CACNA1C: variants seen among roughly 807,000 people sequenced by gnomAD.
The protein encoded by CACNA1C is calcium voltage-gated channel subunit alpha1 C, also known as voltage-dependent L-type calcium channel subunit alpha-1C.
Under a neutral mutation model 229.0 loss-of-function variants are expected in CACNA1C, and 30 were observed. The ratio of observed to expected loss-of-function variants is 0.13; its 90% CI spans 0.10 to 0.18. The LOEUF is 0.18. Ranked by LOEUF, CACNA1C falls within the 10% of genes least tolerant of loss-of-function variation. The probability of loss-of-function intolerance (pLI) is 1.00; values close to 1 mark genes in which losing one functional copy is unlikely to be tolerated. For missense variants in CACNA1C, 1,658 were observed against 2,845.0 expected (o/e 0.58, Z 9.49); for synonymous variants, 1,114 against 1,132.5 (o/e 0.98, Z 0.33).
chr12:2,602,092 C>T lies in CACNA1C; in HGVS notation c.2960+132C>T, dbSNP rs2072682340. ...TGAGAGTGGGGTGGGGCCTCCAAAG[C>T]TGTGCATGGTGGCTTTGGGTTCTTG... is the stretch of plus-strand genomic sequence containing the variant. On this transcript the variant is annotated intron_variant, in intron 22 of 46. Coordinates refer to ENST00000399655, the MANE Select transcript of CACNA1C (RefSeq NM_000719.7). The surrounding 1 kb of genome is among the most constrained non-coding windows in gnomAD (Gnocchi z 4.4). 2 of 660,180 alleles carry T rather than the reference C, an allele frequency of 3.0e-6. No homozygotes were observed. The highest frequency in any genetic ancestry group is 2.3e-5 in the Admixed American group (1 of 44,070). The allele number at this position is 660,180 out of a possible 1,614,324, so 40.9% of individuals were successfully genotyped here. A position where few individuals can be genotyped will look rare whatever the true frequency, so the allele number is the denominator to read the frequency against.
chr12:2,266,879 C>A (rs2082585565), intron 3 of CACNA1C, among the ~76,000 whole-genome samples: 1 of 152,192 alleles, frequency 6.6e-6, no homozygotes, highest in African/African-American at 2.4e-5. Context: ...GTACTTACCT[C>A]TTCTGAGCTT....
At chr12:2,303,383 G>A (rs541603574) in intron 3 of CACNA1C, among the ~76,000 whole-genome samples, 8 of 152,128 alleles carry the variant, frequency 5.3e-5, no homozygotes, top group Non-Finnish European at 8.8e-5. Context: ...CTGTGCGTCC[G>A]TGTTCACACT....
At chr12:1,975,272 C>T (rs1182689477) in intron 1 of CACNA1C, among the ~76,000 whole-genome samples, 1 of 152,114 alleles carries the variant, frequency 6.6e-6, no homozygotes, top group Non-Finnish European at 1.5e-5. Context: ...TAAGGCTATA[C>T]ATAAGGTAAT....
intron 3 of CACNA1C, among the ~76,000 whole-genome samples, chr12:2,145,379 TG>T: frequency 6.6e-6 from 1 of 151,422 alleles, no homozygotes; most frequent in South Asian, 2.1e-4. Context: ...TTGTTTATTC[TG>T]CTGGGTCTTT....
chr12:2,166,397 A>G (rs2096233800), intron 3 of CACNA1C, among the ~76,000 whole-genome samples: 1 of 152,336 alleles, frequency 6.6e-6, no homozygotes, highest in South Asian at 2.1e-4. Flanking sequence ...TCAATTCTTC[A>G]TATAGCCTTG....
chr12:2,386,061 C>T (rs932675869), intron 3 of CACNA1C, among the ~76,000 whole-genome samples: 4 of 152,212 alleles, frequency 2.6e-5, no homozygotes, highest in Non-Finnish European at 5.9e-5. Context: ...TACTACCTTT[C>T]GAGGTAATTT....
intron 38 of CACNA1C, among the ~76,000 whole-genome samples, chr12:2,673,884 C>T (rs2153750363): frequency 6.6e-6 from 1 of 152,294 alleles, no homozygotes; most frequent in Admixed American, 6.5e-5. Flanking sequence ...TGGTCAGGGG[C>T]CCAGGGCTTT....
intron 1 of CACNA1C, among the ~76,000 whole-genome samples, chr12:2,091,219 T>C (rs1286307111): frequency 6.6e-6 from 1 of 152,200 alleles, no homozygotes; most frequent in Non-Finnish European, 1.5e-5. Context: ...CTTGTCCCCA[T>C]TGGCCATATA....
At position 2,115,415 on chromosome 12, in the gene CACNA1C, C is replaced by T. The variant is rs745759667; in HGVS notation, c.241C>T (p.Arg81Trp). ...CATCTCCACAGTCAGCTCCACGCAG[C>T]GGAAGCGGCAGCAATATGGGAAACC... ...ATISTVSSTQ[R>W]KRQQYGKPKK... The change falls in exon 2 of 47, where the codon CGG becomes TGG. Residue 81 changes from arginine (R) to tryptophan (W), a missense_variant. This residue lies in a region of CACNA1C where 111 missense variants were observed against 128.0 expected (regional missense o/e 0.87). Coordinates refer to ENST00000399655, the MANE Select transcript of CACNA1C (RefSeq NM_000719.7). 9 of 1,612,370 alleles carry T rather than the reference C, an allele frequency of 5.6e-6. No individual in the cohort carries two copies. The highest frequency in any genetic ancestry group is 3.3e-5 in the Admixed American group (2 of 59,928).
Position 2,654,585 on chromosome 12 carries a change from G to A in CACNA1C, c.4141-562G>A, listed in dbSNP as rs539779702. 9.2e-5 allele frequency among the ~76,000 whole-genome samples: 14 copies of A among 152,298 alleles called. No individual in the cohort carries two copies. The highest frequency in any genetic ancestry group is 4.2e-4 in the South Asian group (2 of 4,818). On this transcript the variant is annotated intron_variant, in intron 33 of 46. Transcript: ENST00000399655. The surrounding 1 kb of genome is among the most constrained non-coding windows in gnomAD (Gnocchi z 4.4). ...TCAGGAAGTCCCCTACTTGCTCATC[G>A]CAGAAAGACCCAAGATTCAGTTGCC...
chr12:2,116,906 G>A (rs528693949), intron 2 of CACNA1C, among the ~76,000 whole-genome samples: 1 of 152,210 alleles, frequency 6.6e-6, no homozygotes, highest in Non-Finnish European at 1.5e-5. Flanking sequence ...AGATTTAAAA[G>A]TCTCAGGTAC....
At chr12:2,596,458 T>A (rs1382698014) in intron 20 of CACNA1C, among the ~76,000 whole-genome samples, 1 of 152,164 alleles carries the variant, frequency 6.6e-6, no homozygotes, top group Admixed American at 6.5e-5. Context: ...CACCCAAGGC[T>A]CTGGTGAACA....
intron 1 of CACNA1C, among the ~76,000 whole-genome samples, chr12:2,084,638 T>G (rs970255506): frequency 1.3e-5 from 2 of 152,212 alleles, no homozygotes; most frequent in African/African-American, 2.4e-5. Context: ...TTCAGCTGTG[T>G]GCCGACTTGG....
At chr12:2,173,510 CCTTA>C (rs1303845137) in intron 3 of CACNA1C, among the ~76,000 whole-genome samples, 8 of 152,172 alleles carry the variant, frequency 5.3e-5, no homozygotes, top group African/African-American at 1.7e-4. Flanking sequence ...CATGTGGTCA[CCTTA>C]CTTATGATCT....
chr12:2,101,660 C>T (rs1013766496), intron 1 of CACNA1C, among the ~76,000 whole-genome samples: 15 of 152,148 alleles, frequency 9.9e-5, no homozygotes, highest in African/African-American at 2.2e-4. Flanking sequence ...AGGTGGAGTG[C>T]GAGCAGGTCC....
intron 3 of CACNA1C, among the ~76,000 whole-genome samples, chr12:2,172,363 CA>C (rs1361652458): frequency 1.3e-5 from 2 of 152,224 alleles, no homozygotes; most frequent in Non-Finnish European, 2.9e-5. Flanking sequence ...CTTGTCACAT[CA>C]CCAGGAGCTC....
At chr12:2,259,668 A>G (rs1442535073) in intron 3 of CACNA1C, among the ~76,000 whole-genome samples, 3 of 152,216 alleles carry the variant, frequency 2.0e-5, no homozygotes, top group African/African-American at 7.2e-5. Context: ...AGCTTTCTTA[A>G]TGTAATGCAG....
intron 4 of CACNA1C, among the ~76,000 whole-genome samples, 151 bp downstream of exon 4, chr12:2,449,266 A>T (rs897983159): frequency 2.6e-5 from 4 of 152,194 alleles, no homozygotes; most frequent in African/African-American, 9.7e-5. Flanking sequence ...TTATTTTGCT[A>T]AAAGGAACAG....
intron 3 of CACNA1C, among the ~76,000 whole-genome samples, chr12:2,284,971 C>T (rs1023512985): frequency 6.6e-6 from 1 of 152,198 alleles, no homozygotes; most frequent in Admixed American, 6.5e-5. Context: ...TCCAGCCTGC[C>T]CTCTGGTGGG....
Sources: gnomAD v4.1 joint callset for allele counts (sites outside exome capture counted in the v4.1 genomes callset) on GRCh38, gnomAD v4.1.1 for gene constraint, gnomAD v4.1.1 regional missense constraint, Gnocchi (gnomAD v3.1) non-coding constraint, MANE v1.5 for transcripts, NCBI Gene and HGNC (gene_info 2026-07-23, HGNC 2026-07-21) for gene names.